PCGF3: variants seen among roughly 807,000 people sequenced by gnomAD.
PCGF3 encodes the protein polycomb group RING finger protein 3.
PCGF3 carries 7 observed loss-of-function variants against 33.1 expected under a neutral mutation model. The ratio of observed to expected loss-of-function variants is 0.21; its 90% CI spans 0.12 to 0.40. The LOEUF (loss-of-function observed/expected upper bound fraction) is 0.40. Ranked by LOEUF, PCGF3 falls within the 10% of genes least tolerant of loss-of-function variation. The pLI is 1.00. For synonymous variants in PCGF3, 153 were observed against 121.3 expected (o/e 1.26, Z -1.72); for missense variants, 211 against 313.3 (o/e 0.67, Z 2.46).
chr4:743,632 G>C, intron 7 of PCGF3, 48 bp downstream of exon 7: 1 of 1,115,988 alleles, frequency 9.0e-7, no homozygotes, highest in South Asian at 1.3e-5. Flanking sequence ...TCCCCTGCAT[G>C]AGGCCTTTTC....
chr4:728,038 A>C (rs1743399945), intron 1 of PCGF3, among the ~76,000 whole-genome samples: 1 of 152,140 alleles, frequency 6.6e-6, no homozygotes, highest in Admixed American at 6.5e-5. Context: ...TGCTAGTCTC[A>C]ATGCTGGTGA....
At chr4:734,511 T>C (rs1743750819) in intron 4 of PCGF3, 2 of 1,208,520 alleles carry the variant, frequency 1.7e-6, no homozygotes, top group African/African-American at 1.6e-5. Context: ...TATTTTTAGA[T>C]ATTGGTTAGC....
chr4:761,281 G>A (rs200801406), exon 9 of PCGF3: 15 of 1,583,060 alleles, frequency 9.5e-6, no homozygotes, highest in Non-Finnish European at 1.3e-5. Context: ...TCCCGCAGGT[G>A]AGCATCTGCC....
chr4:717,279 A>G (rs1577397795), intron 1 of PCGF3, among the ~76,000 whole-genome samples: 1 of 122,302 alleles, frequency 8.2e-6, no homozygotes. Flanking sequence ...CGGTGCTGGG[A>G]CCCTGTAGAC....
Position 747,881 on chromosome 4 carries a change from C to CT in PCGF3, c.462+3204dup, listed in dbSNP as rs34031770. 5.0e-3 allele frequency among the ~76,000 whole-genome samples: 755 copies of CT among 150,360 alleles called. 10 individuals carry two copies. Among genetic ancestry groups the CT allele is most frequent in the African/African-American group, 0.017 (695 of 40,896 alleles). ...TCTTCCTCCCGACTTCTTCCTTTTT[C>CT]TTTTTTTTTTTAATTACCAGAGGAA... On this transcript the variant is annotated intron_variant, in intron 8 of 10. Coordinates refer to ENST00000362003, the Ensembl canonical transcript of PCGF3.
intron 3 of PCGF3, among the ~76,000 whole-genome samples, chr4:733,088 GCC>G (rs1427587124): frequency 1.1e-4 from 17 of 149,338 alleles, no homozygotes; most frequent in African/African-American, 4.1e-4. Flanking sequence ...GCCCCGTGCT[GCC>G]TCCGCCCCTG....
chr4:727,327 G>A (rs754848670), intron 1 of PCGF3, among the ~76,000 whole-genome samples: 3 of 128,290 alleles, frequency 2.3e-5, no homozygotes, highest in Non-Finnish European at 4.7e-5. Flanking sequence ...TGCAACCTCC[G>A]CCTCCCGGGT....
chr4:709,981 G>A (rs1742496684), intron 1 of PCGF3, among the ~76,000 whole-genome samples: 1 of 152,226 alleles, frequency 6.6e-6, no homozygotes, highest in Non-Finnish European at 1.5e-5. Context: ...AGAGGCTTGT[G>A]AAGCTGAGTG....
rs548014664 is a variant in PCGF3 at position 721,832 on chromosome 4, T to G, written c.-189-8798T>G. 4.8e-4 allele frequency among the ~76,000 whole-genome samples: 58 copies of G among 121,832 alleles called. No homozygotes were observed. The highest frequency in any genetic ancestry group is 1.4e-3 in the African/African-American group (41 of 30,160). The allele number at this position is 121,832 out of a possible 152,430, so 79.9% of individuals were successfully genotyped here. Reference sequence around the variant, plus strand: ...CCTGTGGGAGGTGGGTGGATGGGTGTCTCTGCATGTGGGTGTGGAAAGAGG... The same window carrying G: ...CCTGTGGGAGGTGGGTGGATGGGTGGCTCTGCATGTGGGTGTGGAAAGAGG... On this transcript the variant is annotated intron_variant, in intron 1 of 10. Transcript: ENST00000362003. This position sits in a 1 kb window ranked among gnomAD's most constrained non-coding sequence, Gnocchi z 4.1.
At chr4:722,359 C>G (rs181854759) in intron 1 of PCGF3, 2 of 194,960 alleles carry the variant, frequency 1.0e-5, no homozygotes, top group African/African-American at 4.8e-5. Flanking sequence ...CCCAGCATCC[C>G]GCAGCTAAAT....
At chr4:761,504 G>T in intron 9 of PCGF3, 88 bp downstream of exon 9, 3 of 1,447,788 alleles carry the variant, frequency 2.1e-6, no homozygotes, top group Non-Finnish European at 2.8e-6. Context: ...GTTTTGTTTT[G>T]TTTTTAACAA....
At chr4:735,191 C>T (rs1743774615) in intron 5 of PCGF3, among the ~76,000 whole-genome samples, 164 bp downstream of exon 5, 1 of 152,232 alleles carries the variant, frequency 6.6e-6, no homozygotes, top group African/African-American at 2.4e-5. Context: ...AACCTGGGTC[C>T]AGCGCTCACC....
At chr4:743,822 C>CT (rs1237836124) in intron 7 of PCGF3, 1 of 424,000 alleles carries the variant, frequency 2.4e-6, no homozygotes, top group Non-Finnish European at 4.3e-6. Context: ...CCGAGAGTGT[C>CT]TGGGGGGCAG....
chr4:764,751 T>C (rs1745267849), intron 9 of PCGF3: 2 of 478,104 alleles, frequency 4.2e-6, no homozygotes, highest in Admixed American at 7.3e-5. Flanking sequence ...TGCCCTGTAA[T>C]ATCTTATATG....
intron 8 of PCGF3, among the ~76,000 whole-genome samples, chr4:748,374 AT>A (rs1284799897): frequency 6.6e-6 from 1 of 151,928 alleles, no homozygotes; most frequent in Non-Finnish European, 1.5e-5. Flanking sequence ...TAACTTTTGT[AT>A]TTTTAGTAGT....
intron 9 of PCGF3, 143 bp downstream of exon 9, chr4:761,559 C>T (rs926236402): frequency 1.5e-6 from 2 of 1,378,108 alleles, no homozygotes; most frequent in Admixed American, 2.6e-5. Context: ...GCCTGCTTCA[C>T]CGGGGAGCGG....
At chr4:763,407 G>A (rs952584947) in intron 9 of PCGF3, among the ~76,000 whole-genome samples, 3 of 152,070 alleles carry the variant, frequency 2.0e-5, no homozygotes, top group East Asian at 1.9e-4. Flanking sequence ...TGCGTTAACC[G>A]TGCCTCTGAG....
chr4:732,128 G>A lies in PCGF3; in HGVS notation c.-10+1018G>A, dbSNP rs546631369. On this transcript the variant is annotated intron_variant, in intron 3 of 10. Transcript: ENST00000362003. Reference sequence around the variant, plus strand: ...CCTCGTGGGTGGGCGTGGTCCTCAGGGGCGTAGGGCGGGGCTCCCCTCCCC... The same window carrying A: ...CCTCGTGGGTGGGCGTGGTCCTCAGAGGCGTAGGGCGGGGCTCCCCTCCCC... Among the ~76,000 whole-genome samples the A allele has an allele frequency of 1.2e-3, 109 of 92,610 alleles. 6 individuals carry two copies. Among genetic ancestry groups the A allele is most frequent in the South Asian group, 2.0e-3 (4 of 2,034 alleles). The allele number at this position is 92,610 out of a possible 152,430, so 60.8% of individuals were successfully genotyped here.
chr4:739,637 C>T (rs556796831), intron 6 of PCGF3, among the ~76,000 whole-genome samples: 3 of 152,358 alleles, frequency 2.0e-5, no homozygotes, highest in South Asian at 4.1e-4. Context: ...GGGAAGCCCG[C>T]TTCTGGGCAT....
Sources: allele counts gnomAD v4.1 joint callset (sites outside exome capture counted in the v4.1 genomes callset), GRCh38; gene constraint gnomAD v4.1.1; non-coding constraint Gnocchi (gnomAD v3.1); transcripts MANE v1.5; gene names NCBI Gene and HGNC (gene_info 2026-07-23, HGNC 2026-07-21).